Variants in DLG2 observed in about 807,000 individuals in gnomAD.
DLG2 encodes discs large MAGUK scaffold protein 2.
DLG2 carries 45 observed loss-of-function variants against 132.5 expected under a neutral mutation model. That is an observed-to-expected ratio of 0.34 (90% confidence interval 0.27 to 0.44). The LOEUF (loss-of-function observed/expected upper bound fraction) is 0.44, where lower values mean the gene tolerates loss of function less well. Among genes scored for constraint, DLG2 ranks in the 20% least tolerant of loss-of-function variants. DLG2 has a pLI of 1.00. For missense variants in DLG2, 1,045 were observed against 1,196.9 expected, an observed-to-expected ratio of 0.87 and a Z score of 1.87; for synonymous variants, 424 against 419.6, an observed-to-expected ratio of 1.01 and a Z score of -0.13.
chr11:84,809,488 A>C (rs374420522), intron 6 of DLG2, among the ~76,000 whole-genome samples: 168 of 151,868 alleles, frequency 1.1e-3, no homozygotes, highest in African/African-American at 3.9e-3. Context: ...TCCTATTTGC[A>C]TATGACATGA....
At chr11:84,628,107 C>CATATAT (rs35268909) in intron 6 of DLG2, among the ~76,000 whole-genome samples, 3 of 149,904 alleles carry the variant, frequency 2.0e-5, no homozygotes, top group South Asian at 2.1e-4. Context: ...TATATACACA[C>CATATAT]ATATATATAT....
chr11:84,203,069 C>T (rs887928362), intron 8 of DLG2, among the ~76,000 whole-genome samples: 3 of 152,064 alleles, frequency 2.0e-5, no homozygotes, highest in African/African-American at 7.2e-5. Flanking sequence ...TCCTCAAAGA[C>T]CTAGAGGCAA....
At chr11:85,480,950 T>A (rs971528781) in intron 3 of DLG2, among the ~76,000 whole-genome samples, 1 of 152,212 alleles carries the variant, frequency 6.6e-6, no homozygotes, top group African/African-American at 2.4e-5. Context: ...ACAAAGAGAC[T>A]ACATTTACTC....
intron 6 of DLG2, among the ~76,000 whole-genome samples, chr11:84,662,106 C>T (rs2099695001): frequency 1.3e-5 from 2 of 151,944 alleles, no homozygotes; most frequent in Admixed American, 1.3e-4. Flanking sequence ...GCCAGCTCCT[C>T]TCACATCATC....
Position 84,777,307 on chromosome 11 carries a change from A to G in DLG2, c.358-242576T>C, listed in dbSNP as rs944698790. Among the ~76,000 whole-genome samples, 46 of 134,624 alleles carry G rather than the reference A, an allele frequency of 3.4e-4. 1 individual carries two copies. The highest frequency in any genetic ancestry group is 5.3e-4 in the Non-Finnish European group (33 of 62,748). 88.3% of individuals were successfully genotyped at this position (134,624 alleles called of 152,430 possible). A position where few individuals can be genotyped will look rare whatever the true frequency, so the allele number is the denominator to read the frequency against. ...TATATATATATATATATATATATAT[A>G]TATATATATATATATATACGTTTTC... On this transcript the variant is annotated intron_variant, in intron 6 of 27. Coordinates refer to ENST00000376104, the MANE Select transcript of DLG2 (RefSeq NM_001142699.3).
chr11:84,777,388 T>C (rs971581491), intron 6 of DLG2, among the ~76,000 whole-genome samples: 4 of 148,770 alleles, frequency 2.7e-5, no homozygotes, highest in Admixed American at 2.0e-4. Flanking sequence ...TTTGCTATTG[T>C]GAATAGTGCT....
intron 3 of DLG2, among the ~76,000 whole-genome samples, chr11:85,291,534 C>T (rs1001606296): frequency 6.6e-6 from 1 of 151,124 alleles, no homozygotes. Context: ...CCATAGCTCA[C>T]CAAAGCTGTT....
chr11:83,930,245 T>C (rs552957089), intron 15 of DLG2, 83 bp downstream of exon 15: 5 of 1,482,238 alleles, frequency 3.4e-6, no homozygotes, highest in East Asian at 2.3e-5. Context: ...GCAAGAGAAG[T>C]GAGCAGAGGC....
chr11:84,732,652 T>C (rs1165303156), intron 6 of DLG2, among the ~76,000 whole-genome samples: 2 of 151,644 alleles, frequency 1.3e-5, no homozygotes, highest in Non-Finnish European at 2.9e-5. Flanking sequence ...TATAAATATA[T>C]ATTTATTATA....
chr11:84,182,094 T>C (rs1486307165), intron 8 of DLG2, among the ~76,000 whole-genome samples: 1 of 152,112 alleles, frequency 6.6e-6, no homozygotes, highest in Non-Finnish European at 1.5e-5. Flanking sequence ...CAAACTTACA[T>C]GAAACAGTCA....
chr11:84,010,703 A>T (rs1046779221), intron 11 of DLG2, among the ~76,000 whole-genome samples: 22 of 152,118 alleles, frequency 1.4e-4, no homozygotes, highest in African/African-American at 5.1e-4. Flanking sequence ...ATAATTATTA[A>T]AAGGAATTGT....
chr11:83,551,561 C>T (rs1429333996), intron 19 of DLG2, among the ~76,000 whole-genome samples: 2 of 152,180 alleles, frequency 1.3e-5, no homozygotes, highest in South Asian at 4.1e-4. Flanking sequence ...TGGGCAATCA[C>T]TTTGCCTGCC....
chr11:85,462,583 T>C (rs1330880489), intron 3 of DLG2, among the ~76,000 whole-genome samples: 1 of 151,388 alleles, frequency 6.6e-6, no homozygotes, highest in East Asian at 1.9e-4. Context: ...TTCTCACTCA[T>C]AGGTGGGAAT....
rs1261321449 is a variant in DLG2, at chr11:85,559,153, TTA to T, written c.40+39502_40+39503del. Among the ~76,000 whole-genome samples the T allele has an allele frequency of 8.0e-4, 119 of 149,244 alleles. 2 individuals carry two copies. The highest frequency in any genetic ancestry group is 2.7e-3 in the African/African-American group (107 of 40,034). On this transcript the variant is annotated intron_variant, in intron 3 of 27. Coordinates refer to ENST00000376104, the MANE Select transcript of DLG2 (RefSeq NM_001142699.3). ...TATTATATGGCTTCCATTATTATTA[TTA>T]TTTTTTTTTTTTTTGAGACGGTGTC...
At chr11:84,930,240 T>C (rs2047932766) in intron 6 of DLG2, among the ~76,000 whole-genome samples, 1 of 152,138 alleles carries the variant, frequency 6.6e-6, no homozygotes, top group Non-Finnish European at 1.5e-5. Flanking sequence ...ATTTAGTACC[T>C]GATTATACAG....
intron 7 of DLG2, among the ~76,000 whole-genome samples, chr11:84,482,782 G>C (rs2099141171): frequency 6.6e-6 from 1 of 152,108 alleles, no homozygotes; most frequent in Admixed American, 6.6e-5. Flanking sequence ...GCTTCCCAAA[G>C]TTTATGACTT....
intron 6 of DLG2, among the ~76,000 whole-genome samples, chr11:84,757,296 T>TA (rs372138748): frequency 2.5e-3 from 359 of 145,600 alleles, no homozygotes; most frequent in Middle Eastern, 0.014. Context: ...TATCTTTTGT[T>TA]AAAAAAAAAA....
At chr11:84,861,134 G>C (rs924427809) in intron 6 of DLG2, among the ~76,000 whole-genome samples, 6 of 152,104 alleles carry the variant, frequency 3.9e-5, no homozygotes, top group African/African-American at 1.4e-4. Flanking sequence ...AACAAAAAAG[G>C]ACATACGCTT....
At chr11:85,150,698 TAGTGTG>T (rs2077187852) in intron 5 of DLG2, among the ~76,000 whole-genome samples, 1 of 126,912 alleles carries the variant, frequency 7.9e-6, no homozygotes, top group African/African-American at 3.0e-5. Flanking sequence ...TAAGGCTACA[TAGTGTG>T]TGTGTGTGTG....
Sources: gnomAD v4.1 joint callset for allele counts (sites outside exome capture counted in the v4.1 genomes callset) on GRCh38, gnomAD v4.1.1 for gene constraint, MANE v1.5 for transcripts, NCBI Gene and HGNC (gene_info 2026-07-23, HGNC 2026-07-21) for gene names.